Variants in NT5DC4 observed in about 807,000 individuals in gnomAD.
NT5DC4 encodes the protein 5'-nucleotidase domain containing 4.
A neutral mutation model predicts 26.6 loss-of-function variants in NT5DC4; 44 were observed. The ratio of observed to expected loss-of-function variants is 1.65; its 90% CI spans 1.30 to 2.13. NT5DC4 has a LOEUF of 2.13. NT5DC4 is among the 30% of genes most tolerant of loss of function. NT5DC4 has a pLI of 0.00. For missense variants in NT5DC4, 399 were observed against 228.1 expected (o/e 1.75, Z -4.83); for synonymous variants, 157 against 86.7 (o/e 1.81, Z -4.51).
chr2:112,738,891 T>C, intron 16 of NT5DC4, 22 bp from the exon 17 acceptor site: 1 of 1,614,150 alleles, frequency 6.2e-7, no homozygotes, highest in Non-Finnish European at 8.5e-7. Flanking sequence ...ATAAAACATT[T>C]TGTTTCTTCC....
chr2:112,734,673 G>C (rs1046951667), intron 16 of NT5DC4, among the ~76,000 whole-genome samples: 5 of 152,286 alleles, frequency 3.3e-5, no homozygotes, highest in Admixed American at 6.5e-5. Flanking sequence ...AGCAGGAAAT[G>C]GGTGGTAGTA....
At chr2:112,740,159 C>T (rs1476713400), downstream of NT5DC4, among the ~76,000 whole-genome samples, 1 of 152,164 alleles carries the variant, frequency 6.6e-6, no homozygotes, top group Non-Finnish European at 1.5e-5. Context: ...CACTTATGAA[C>T]TGAACTGTTT....
At chr2:112,726,132 T>C in intron 13 of NT5DC4, 106 bp from the exon 14 acceptor site, 1 of 698,110 alleles carries the variant, frequency 1.4e-6, no homozygotes, top group South Asian at 1.6e-5. Flanking sequence ...TGCACACAGC[T>C]CAGGGTGTGC....
intron 16 of NT5DC4, among the ~76,000 whole-genome samples, chr2:112,735,048 T>TC (rs1678946799): frequency 6.9e-6 from 1 of 144,028 alleles, no homozygotes; most frequent in African/African-American, 2.6e-5. Flanking sequence ...ATTTTTTTTT[T>TC]TTTTTTTTTT....
chr2:112,740,508 T>G (rs1679849605), downstream of NT5DC4, among the ~76,000 whole-genome samples: 1 of 152,330 alleles, frequency 6.6e-6, no homozygotes, highest in East Asian at 1.9e-4. Flanking sequence ...CACTGTCCCT[T>G]TTCTCCCACA....
chr2:112,719,066 A>T (rs1558712835), upstream of NT5DC4, among the ~76,000 whole-genome samples: 3 of 152,128 alleles, frequency 2.0e-5, no homozygotes, highest in Admixed American at 1.3e-4. Flanking sequence ...TCATTAGTCG[A>T]TTTCACCATT....
intron 15 of NT5DC4, 122 bp downstream of exon 15, chr2:112,726,860 A>C: frequency 1.5e-6 from 1 of 687,484 alleles, no homozygotes; most frequent in Non-Finnish European, 2.7e-6. Flanking sequence ...CATTCTCCTC[A>C]GCCTCGCCTG....
chr2:112,731,590 C>A (rs928704285), intron 16 of NT5DC4: 1 of 152,090 alleles, frequency 6.6e-6, no homozygotes, highest in African/African-American at 2.4e-5. Flanking sequence ...CATTAAAACA[C>A]ATAAAAAGTC....
chr2:112,740,404 A>C (rs116011978), downstream of NT5DC4, among the ~76,000 whole-genome samples: 344 of 152,320 alleles, frequency 2.3e-3, no homozygotes, highest in African/African-American at 8.0e-3. Context: ...TTCTGCCTTA[A>C]ATTTATATTT....
Position 112,723,165 on chromosome 2 carries a change from C to G in NT5DC4, c.612C>G (p.Ile204Met). ...FQDVTDAMNN[I>M]HQSGCLKKTL... ...ATGTGACTGATGCCATGAATAACAT[C>G]CACCAGTCGGTGAGTGAGTGGTCCA... Residue 204 changes from isoleucine to methionine, a missense_variant, in exon 7 of 17, where the codon ATC (isoleucine) becomes ATG (methionine). By Grantham distance (10) the Ile-to-Met change is conservative. Transcript: ENST00000688554. 2 of 717,364 alleles carry G rather than the reference C, an allele frequency of 2.8e-6. No homozygotes were observed. The highest frequency in any genetic ancestry group is 5.2e-6 in the Non-Finnish European group (2 of 385,084). 44.4% of individuals were successfully genotyped at this position (717,364 alleles called of 1,614,324 possible). A position where few individuals can be genotyped will look rare whatever the true frequency, so the allele number is the denominator to read the frequency against.
chr2:112,741,754 C>A (rs1299321090), downstream of NT5DC4, among the ~76,000 whole-genome samples: 1 of 152,024 alleles, frequency 6.6e-6, no homozygotes, highest in Non-Finnish European at 1.5e-5. Flanking sequence ...GATTGTTCCC[C>A]AGTTAAATCT....
At chr2:112,723,683 G>A in intron 8 of NT5DC4, 36 bp from the exon 9 acceptor site, 2 of 713,456 alleles carry the variant, frequency 2.8e-6, no homozygotes, top group South Asian at 1.5e-5. Flanking sequence ...AGCTCTGGGA[G>A]TCCCACCCCT....
chr2:112,731,531 G>A (rs1262349723), intron 16 of NT5DC4: 3 of 152,108 alleles, frequency 2.0e-5, no homozygotes, highest in Admixed American at 6.6e-5. Flanking sequence ...GGGTCACTAC[G>A]AAAGATGTTA....
upstream of NT5DC4, among the ~76,000 whole-genome samples, chr2:112,719,911 T>TC (rs1491321742): frequency 1.8e-5 from 2 of 112,566 alleles, no homozygotes; most frequent in South Asian, 3.1e-4. Context: ...TCTTTTTCTT[T>TC]CTTTCTTTCT....
rs576313604 is a variant in NT5DC4, at chr2:112,722,276, G to C, written c.360G>C (p.Ser120=). 1.4e-6 allele frequency: 1 copy of C among 717,036 alleles called. No homozygotes were observed. The highest frequency in any genetic ancestry group is 1.5e-5 in the South Asian group (1 of 67,600). 44.4% of individuals were successfully genotyped at this position (717,036 alleles called of 1,614,324 possible). A position where few individuals can be genotyped will look rare whatever the true frequency, so the allele number is the denominator to read the frequency against. The change falls in exon 4 of 17, where the codon TCG becomes TCC. Residue 120 remains serine (S), a splice_region_variant and synonymous_variant. Coordinates refer to ENST00000688554, the MANE Select transcript of NT5DC4 (RefSeq NM_001393655.1). ...GTGCCTATGGCTTCACCTTCCTCTC[G>C]GAGTAAGGGACAAAGGTGCCGGGAG... ...LLGAYGFTFL[S]DLPLLRAEIW...
At chr2:112,741,073 A>C (rs114748571), downstream of NT5DC4, 26 of 1,042,812 alleles carry the variant, frequency 2.5e-5, no homozygotes, top group African/African-American at 3.9e-4. Context: ...AGAAGTCAAT[A>C]ACATGAAAAA....
chr2:112,726,706 CAA>C lies in NT5DC4; in HGVS notation c.1235_1236del (p.Gln412ArgfsTer14), dbSNP rs1247466278. ...CATGGATGGGAGCAGTTGTGAGCTG[CAA>C]GTCATCAACTTCACCAAGAGAGAGA... ...QHMDGSSCEL[Q>X]VINFTKREIQ... On this transcript the variant is annotated frameshift_variant, in exon 15 of 17. Coordinates refer to ENST00000688554, the MANE Select transcript of NT5DC4 (RefSeq NM_001393655.1). LOFTEE classifies it high-confidence loss of function. The C allele has an allele frequency of 1.4e-6, 1 of 717,528 alleles. No homozygotes were observed. The highest frequency in any genetic ancestry group is 2.6e-6 in the Non-Finnish European group (1 of 385,100). 44.4% of individuals were successfully genotyped at this position (717,528 alleles called of 1,614,324 possible).
At chr2:112,723,490 G>A (rs1677243026) in intron 8 of NT5DC4, 22 bp downstream of exon 8, 1 of 716,592 alleles carries the variant, frequency 1.4e-6, no homozygotes, top group Non-Finnish European at 2.6e-6. Flanking sequence ...CAGACCCAGG[G>A]CCATGGCCAT....
downstream of NT5DC4, among the ~76,000 whole-genome samples, chr2:112,739,283 T>C (rs1164020963): frequency 1.3e-5 from 2 of 152,088 alleles, no homozygotes; most frequent in African/African-American, 4.8e-5. Context: ...TAGCTGGGCA[T>C]GGTGGCACAC....
Sources: gnomAD v4.1 joint callset for allele counts (sites outside exome capture counted in the v4.1 genomes callset) on GRCh38, gnomAD v4.1.1 for gene constraint, MANE v1.5 for transcripts, NCBI Gene and HGNC (gene_info 2026-07-23, HGNC 2026-07-21) for gene names.